The following KCNN3 variants were observed in gnomAD, a reference collection of about 807,000 sequenced individuals.
KCNN3 encodes potassium calcium-activated channel subfamily N member 3, also known as small conductance calcium-activated potassium channel protein 3.
A neutral mutation model predicts 62.9 loss-of-function variants in KCNN3; 16 were observed. That is an observed-to-expected ratio of 0.25 (90% CI 0.17 to 0.39). KCNN3 has a LOEUF of 0.39. Among genes scored for constraint, KCNN3 ranks in the 10% least tolerant of loss-of-function variants. The probability of loss-of-function intolerance (pLI) is 1.00; values close to 1 mark genes in which losing one functional copy is unlikely to be tolerated. For synonymous variants in KCNN3, 370 were observed against 389.2 expected (o/e 0.95, Z 0.58); for missense variants, 599 against 949.4 (o/e 0.63, Z 4.85).
chr1:154,708,322 G>A, intron 7 of KCNN3, 50 bp from the exon 8 acceptor site: 1 of 1,582,002 alleles, frequency 6.3e-7, no homozygotes, highest in South Asian at 1.1e-5. Context: ...GGTCATCACA[G>A]AGGAATCTGC....
rs1445441338 is a variant in KCNN3 at position 154,697,616 on chromosome 1, C to A, written c.*10360G>T. On this transcript the variant is annotated 3_prime_UTR_variant, in exon 8 of 8. Coordinates refer to ENST00000271915, the MANE Select transcript of KCNN3 (RefSeq NM_002249.6). ...GACTAAGCCCACCTTCAAGGTCACA[C>A]TTCCATATTTTGCACAGAGAAGAAA... 6.6e-6 allele frequency: 1 copy of A among 152,224 alleles called. No individual in the cohort carries two copies. Among genetic ancestry groups the A allele is most frequent in the African/African-American group, 2.4e-5 (1 of 41,448 alleles). The allele number at this position is 152,224 out of a possible 1,614,324, so 9.4% of individuals were successfully genotyped here.
At chr1:154,834,689 A>G (rs1253264486) in intron 1 of KCNN3, among the ~76,000 whole-genome samples, 1 of 152,182 alleles carries the variant, frequency 6.6e-6, no homozygotes, top group Non-Finnish European at 1.5e-5. Flanking sequence ...ATCCATCTTC[A>G]TATAAACTCT....
intron 1 of KCNN3, among the ~76,000 whole-genome samples, chr1:154,854,870 G>A (rs1207321192): frequency 2.0e-5 from 3 of 152,090 alleles, no homozygotes; most frequent in Non-Finnish European, 4.4e-5. Flanking sequence ...AAATACTTTC[G>A]TGCAATTGTA....
At chr1:154,782,811 G>A (rs1412381750) in intron 2 of KCNN3, among the ~76,000 whole-genome samples, 1 of 152,162 alleles carries the variant, frequency 6.6e-6, no homozygotes, top group East Asian at 1.9e-4. Context: ...CAATTGCCTG[G>A]GGCTTGCAGC....
intron 7 of KCNN3, among the ~76,000 whole-genome samples, chr1:154,710,163 G>C (rs556283884): frequency 6.6e-6 from 1 of 152,196 alleles, no homozygotes; most frequent in Non-Finnish European, 1.5e-5. Context: ...CAATACAGAC[G>C]TAATATGTGG....
intron 1 of KCNN3, among the ~76,000 whole-genome samples, chr1:154,822,458 A>G (rs1450547367): frequency 1.3e-5 from 2 of 152,204 alleles, no homozygotes; most frequent in Non-Finnish European, 2.9e-5. Flanking sequence ...CTTGGGCATG[A>G]TGTATTATGT....
At chr1:154,848,582 C>T (rs1006919468) in intron 1 of KCNN3, among the ~76,000 whole-genome samples, 1 of 152,148 alleles carries the variant, frequency 6.6e-6, no homozygotes, top group Non-Finnish European at 1.5e-5. Flanking sequence ...GGGCAGGGGG[C>T]TCCATGTCCC....
chr1:154,837,243 C>T (rs1011049716), intron 1 of KCNN3, among the ~76,000 whole-genome samples: 3 of 152,100 alleles, frequency 2.0e-5, no homozygotes, highest in African/African-American at 4.8e-5. Flanking sequence ...GGATTACAGG[C>T]GCACGCCACC....
intron 1 of KCNN3, among the ~76,000 whole-genome samples, chr1:154,826,182 A>G (rs1024265551): frequency 3.3e-5 from 5 of 152,148 alleles, no homozygotes; most frequent in Non-Finnish European, 7.3e-5. Context: ...CCCCAAAACG[A>G]TATGTAGTAT....
chr1:154,844,654 G>A (rs935408337), intron 1 of KCNN3, among the ~76,000 whole-genome samples: 11 of 119,468 alleles, frequency 9.2e-5, no homozygotes, highest in Admixed American at 3.1e-4. Flanking sequence ...CTTACTCAGC[G>A]CCCACAATAA....
Position 154,741,230 on chromosome 1 carries a change from A to G in KCNN3, c.1449-8086T>C, listed in dbSNP as rs540671116. ...CCATCCTTTCTCCTACTAGCTTTCAATGCTCCCTCTGTCTCATAAATTATA... is the reference window on the plus strand; with the variant it reads ...CCATCCTTTCTCCTACTAGCTTTCAGTGCTCCCTCTGTCTCATAAATTATA... On this transcript the variant is annotated intron_variant, in intron 3 of 7. Coordinates refer to ENST00000271915, the MANE Select transcript of KCNN3 (RefSeq NM_002249.6). 1.5e-4 allele frequency among the ~76,000 whole-genome samples: 23 copies of G among 152,232 alleles called. 2 individuals are homozygous for G. In the South Asian group the frequency reaches 4.6e-3, roughly 30 times the overall value.
intron 2 of KCNN3, among the ~76,000 whole-genome samples, chr1:154,818,306 G>A (rs1650750747): frequency 6.6e-6 from 1 of 152,156 alleles, no homozygotes; most frequent in African/African-American, 2.4e-5. Flanking sequence ...ACCAGGCCAG[G>A]GGGCAAGTTC....
chr1:154,712,040 G>A (rs1473326463), intron 7 of KCNN3, among the ~76,000 whole-genome samples: 1 of 152,034 alleles, frequency 6.6e-6, no homozygotes, highest in Non-Finnish European at 1.5e-5. Flanking sequence ...GGGAAAGGGA[G>A]AGGAAGAGAG....
rs185423161 is a variant in KCNN3, at chr1:154,762,912, G to C, written c.1448+9063C>G. Among the ~76,000 whole-genome samples the C allele has an allele frequency of 8.6e-4, 131 of 152,154 alleles. No homozygotes were observed. The Middle Eastern group carries it at 0.01, about 12-fold the overall frequency. ...ATTACCATTTATTGAATAATCTATC[G>C]CTTCCCAGTTGGTTTTCTTTCTCGT... On this transcript the variant is annotated intron_variant, in intron 3 of 7. Transcript: ENST00000271915.
At chr1:154,830,070 G>A (rs978912849) in intron 1 of KCNN3, among the ~76,000 whole-genome samples, 10 of 152,168 alleles carry the variant, frequency 6.6e-5, no homozygotes, top group South Asian at 2.1e-4. Flanking sequence ...TTAGTTGAAC[G>A]TTGAATATTT....
At position 154,722,735 on chromosome 1, in the gene KCNN3, T is replaced by C. The variant is rs147777020; in HGVS notation, c.1701+3181A>G. Reference sequence around the variant, plus strand: ...TGTCTGAGAGTGAGTATTTCTTTTTTTTTTTTTCTTTTTTTTGACAGAGTC... The same window carrying C: ...TGTCTGAGAGTGAGTATTTCTTTTTCTTTTTTTCTTTTTTTTGACAGAGTC... On this transcript the variant is annotated intron_variant, in intron 5 of 7. Transcript: ENST00000271915. 8.9e-4 allele frequency among the ~76,000 whole-genome samples: 130 copies of C among 146,504 alleles called. 1 individual carries two copies. Among genetic ancestry groups the C allele is most frequent in the African/African-American group, 3.1e-3 (121 of 39,542 alleles).
At chr1:154,757,310 A>G (rs1647770315) in intron 3 of KCNN3, among the ~76,000 whole-genome samples, 1 of 152,194 alleles carries the variant, frequency 6.6e-6, no homozygotes. Context: ...AGCTGGAAAC[A>G]GGACAGGAGC....
intron 2 of KCNN3, among the ~76,000 whole-genome samples, chr1:154,797,510 C>T (rs932641106): frequency 6.6e-6 from 1 of 152,210 alleles, no homozygotes; most frequent in Non-Finnish European, 1.5e-5. Context: ...TTTCTTCCTC[C>T]ATGACCCCCC....
chr1:154,785,583 T>C (rs368894096), intron 2 of KCNN3, among the ~76,000 whole-genome samples: 30,444 of 139,288 alleles, frequency 0.22, 4,018 homozygotes, highest in Middle Eastern at 0.31. Context: ...TTTTTTTTTT[T>C]TTTTTTTTTT....
Sources: allele counts gnomAD v4.1 joint callset (sites outside exome capture counted in the v4.1 genomes callset), GRCh38; gene constraint gnomAD v4.1.1; transcripts MANE v1.5; gene names NCBI Gene and HGNC (gene_info 2026-07-23, HGNC 2026-07-21).